The following EPHA5 variants were observed in gnomAD, a reference collection of about 807,000 sequenced individuals.
EPHA5 encodes the protein EPH receptor A5, also known as ephrin type-A receptor 5.
EPHA5 carries 60 observed loss-of-function variants against 105.0 expected under a neutral mutation model. The ratio of observed to expected loss-of-function variants is 0.57; its 90% CI spans 0.46 to 0.71. EPHA5 has a LOEUF of 0.71. Ranked by LOEUF, EPHA5 falls within the 30% of genes least tolerant of loss-of-function variation. The pLI is 0.00. For missense variants in EPHA5, 1,218 were observed against 1,274.7 expected, an observed-to-expected ratio of 0.96 and a Z score of 0.68; for synonymous variants, 513 against 449.1, an observed-to-expected ratio of 1.14 and a Z score of -1.80.
At chr4:65,471,713 A>G (rs1439795509) in intron 5 of EPHA5, among the ~76,000 whole-genome samples, 1 of 152,132 alleles carries the variant, frequency 6.6e-6, no homozygotes, top group African/African-American at 2.4e-5. Flanking sequence ...ATATCTCATG[A>G]TAGATTTTTC....
chr4:65,602,411 G>T, intron 2 of EPHA5, 107 bp from the exon 3 acceptor site: 2 of 838,558 alleles, frequency 2.4e-6, no homozygotes, highest in African/African-American at 1.7e-5. Context: ...AGAAATATTC[G>T]TATCCTCAAT....
Position 65,630,827 on chromosome 4 carries a change from T to C in EPHA5, c.246+12536A>G, listed in dbSNP as rs138396058. 2.7e-3 allele frequency among the ~76,000 whole-genome samples: 404 copies of C among 152,270 alleles called. 2 individuals carry two copies. Among genetic ancestry groups the C allele is most frequent in the African/African-American group, 9.2e-3 (382 of 41,556 alleles). ...GTCATTTTACATTAAATGAAACCAA[T>C]TGACTTTTGACTAACAGAATAATAA... is the stretch of plus-strand genomic sequence containing the variant. On this transcript the variant is annotated intron_variant, in intron 2 of 16. Coordinates refer to ENST00000613740, the MANE Select transcript of EPHA5 (RefSeq NM_001281766.3).
At chr4:65,411,655 T>C (rs920474518) in intron 7 of EPHA5, among the ~76,000 whole-genome samples, 2 of 152,106 alleles carry the variant, frequency 1.3e-5, no homozygotes, top group African/African-American at 4.8e-5. Context: ...TGGGAAATAA[T>C]AAATGTACAT....
At chr4:65,652,494 T>A (rs755048634) in intron 1 of EPHA5, among the ~76,000 whole-genome samples, 1 of 152,100 alleles carries the variant, frequency 6.6e-6, no homozygotes, top group Non-Finnish European at 1.5e-5. Flanking sequence ...TGAAAAACAC[T>A]AATAGGGCAA....
intron 5 of EPHA5, among the ~76,000 whole-genome samples, chr4:65,475,831 A>T (rs1729742780): frequency 2.6e-5 from 4 of 152,124 alleles, no homozygotes. Context: ...AGTAGAGTTT[A>T]AAACTAGTTT....
chr4:65,401,479 T>C (rs1486426630), intron 8 of EPHA5, among the ~76,000 whole-genome samples: 1 of 152,056 alleles, frequency 6.6e-6, no homozygotes, highest in Non-Finnish European at 1.5e-5. Context: ...ACATGACAAA[T>C]GTCCCCCGAA....
intron 16 of EPHA5, 122 bp from the exon 17 acceptor site, chr4:65,324,341 A>G: frequency 6.7e-6 from 4 of 597,218 alleles, no homozygotes; most frequent in South Asian, 6.6e-5. Flanking sequence ...TAATTTAGAC[A>G]TACAGAGTCT....
intron 3 of EPHA5, among the ~76,000 whole-genome samples, chr4:65,585,783 T>G (rs1742064061): frequency 6.6e-6 from 1 of 151,812 alleles, no homozygotes; most frequent in Admixed American, 6.6e-5. Flanking sequence ...CATTTAAAAT[T>G]ATGAATTAGG....
intron 5 of EPHA5, among the ~76,000 whole-genome samples, chr4:65,458,142 A>G (rs188723750): frequency 1.1e-4 from 16 of 151,974 alleles, no homozygotes; most frequent in Non-Finnish European, 2.2e-4. Flanking sequence ...GATAATTGAC[A>G]ATATACATAT....
intron 5 of EPHA5, among the ~76,000 whole-genome samples, chr4:65,440,707 G>A (rs1725932707): frequency 6.6e-6 from 1 of 151,966 alleles, no homozygotes; most frequent in Admixed American, 6.6e-5. Context: ...GCAAGCAGGG[G>A]GCCTTTGAGG....
intron 3 of EPHA5, among the ~76,000 whole-genome samples, chr4:65,532,743 G>C (rs752833432): frequency 1.9e-4 from 26 of 139,594 alleles, no homozygotes; most frequent in Admixed American, 3.8e-4. Flanking sequence ...ATCTTCTAGT[G>C]CATAAAACAA....
At chr4:65,413,183 T>C (rs896529061) in intron 7 of EPHA5, among the ~76,000 whole-genome samples, 2 of 151,968 alleles carry the variant, frequency 1.3e-5, no homozygotes, top group Non-Finnish European at 2.9e-5. Flanking sequence ...GAAAAGAAAA[T>C]TTTCTGAATA....
At chr4:65,573,899 C>A in intron 3 of EPHA5, 1 of 1,610,898 alleles carries the variant, frequency 6.2e-7, no homozygotes, top group Non-Finnish European at 8.5e-7. Flanking sequence ...GCATTACCCC[C>A]GGGACCATTC....
chr4:65,341,062 C>T (rs185422562), intron 14 of EPHA5, among the ~76,000 whole-genome samples: 16 of 152,150 alleles, frequency 1.1e-4, no homozygotes, highest in African/African-American at 3.9e-4. Flanking sequence ...CCCTTCATCC[C>T]TCCTCAATTT....
intron 4 of EPHA5, among the ~76,000 whole-genome samples, chr4:65,494,205 T>C (rs1386291000): frequency 6.6e-6 from 1 of 152,210 alleles, no homozygotes; most frequent in Non-Finnish European, 1.5e-5. Context: ...AGCTAATTAA[T>C]AGCAATGATT....
chr4:65,368,042 C>G (rs1718093348), intron 8 of EPHA5, among the ~76,000 whole-genome samples: 2 of 151,906 alleles, frequency 1.3e-5, no homozygotes, highest in African/African-American at 4.8e-5. Context: ...TCTCTTATTA[C>G]TAGGAAAAAA....
chr4:65,544,950 A>G (rs1428965207), intron 3 of EPHA5, among the ~76,000 whole-genome samples: 1 of 151,818 alleles, frequency 6.6e-6, no homozygotes, highest in Non-Finnish European at 1.5e-5. Flanking sequence ...GGAAAAAAAA[A>G]AAAGCCATTC....
chr4:65,667,749 A>G (rs569406068), intron 1 of EPHA5, among the ~76,000 whole-genome samples: 1 of 152,232 alleles, frequency 6.6e-6, no homozygotes, highest in East Asian at 1.9e-4. Flanking sequence ...TTTTCTAACC[A>G]AGAGCGACTC....
chr4:65,481,488 A>C (rs971868437), intron 5 of EPHA5, among the ~76,000 whole-genome samples: 3 of 152,228 alleles, frequency 2.0e-5, no homozygotes, highest in African/African-American at 2.4e-5. Context: ...CAGCTGTCCA[A>C]CACATGACTG....
Sources: gnomAD v4.1 joint callset for allele counts (sites outside exome capture counted in the v4.1 genomes callset) on GRCh38, gnomAD v4.1.1 for gene constraint, MANE v1.5 for transcripts, NCBI Gene and HGNC (gene_info 2026-07-23, HGNC 2026-07-21) for gene names.